Variants in MYCBP2 observed in about 807,000 individuals in gnomAD.
MYCBP2 encodes the protein E3 ubiquitin-protein ligase MYCBP2.
In MYCBP2, 120 loss-of-function variants were observed where a neutral mutation model predicts 525.3. That is an observed-to-expected ratio of 0.23 (90% CI 0.20 to 0.27). MYCBP2 has a LOEUF of 0.27. MYCBP2 is among the 10% of genes least tolerant of loss of function. The probability of loss-of-function intolerance (pLI) is 1.00; values close to 1 mark genes in which losing one functional copy is unlikely to be tolerated. For synonymous variants in MYCBP2, 1,894 were observed against 1,955.8 expected (o/e 0.97, Z 0.83); for missense variants, 4,149 against 5,657.1 (o/e 0.73, Z 8.55).
At chr13:77,254,775 C>G (rs1484842989) in intron 14 of MYCBP2, among the ~76,000 whole-genome samples, 1 of 151,924 alleles carries the variant, frequency 6.6e-6, no homozygotes, top group African/African-American at 2.4e-5. Flanking sequence ...ACTATCCTTA[C>G]AAGTCTCTGG....
At chr13:77,288,124 T>C in intron 3 of MYCBP2, 37 bp downstream of exon 3, 1 of 1,598,506 alleles carries the variant, frequency 6.3e-7, no homozygotes. Context: ...CACCTGCAGG[T>C]TACACATCTA....
chr13:77,132,987 A>G (rs2053152822), intron 52 of MYCBP2, among the ~76,000 whole-genome samples: 1 of 152,192 alleles, frequency 6.6e-6, no homozygotes, highest in Non-Finnish European at 1.5e-5. Flanking sequence ...TTCAATACAT[A>G]TGGTATTCAT....
intron 14 of MYCBP2, among the ~76,000 whole-genome samples, chr13:77,254,511 C>T (rs1169794367): frequency 6.6e-6 from 1 of 151,790 alleles, no homozygotes; most frequent in Non-Finnish European, 1.5e-5. Context: ...TGATACATAA[C>T]TGTTATACCT....
At chr13:77,207,436 C>G (rs1222597876) in intron 23 of MYCBP2, among the ~76,000 whole-genome samples, 4 of 152,126 alleles carry the variant, frequency 2.6e-5, no homozygotes. Context: ...TTCTTTACCT[C>G]TTTTAGGGGT....
At chr13:77,307,415 G>GA (rs1260476393) in intron 1 of MYCBP2, among the ~76,000 whole-genome samples, 1 of 150,284 alleles carries the variant, frequency 6.7e-6, no homozygotes, top group Admixed American at 6.6e-5. Context: ...ATTTCTTGAA[G>GA]AAAAAAATGG....
chr13:77,105,922 G>A (rs1594586857), intron 55 of MYCBP2, among the ~76,000 whole-genome samples: 1 of 152,200 alleles, frequency 6.6e-6, no homozygotes, highest in Non-Finnish European at 1.5e-5. Flanking sequence ...TAAATTCCCT[G>A]AGTCATATCA....
chr13:77,051,708 C>A, intron 81 of MYCBP2, 103 bp downstream of exon 81: 1 of 750,466 alleles, frequency 1.3e-6, no homozygotes, highest in Non-Finnish European at 2.2e-6. Flanking sequence ...TCAGAAAATA[C>A]TGAGGAGAAA....
Position 77,093,220 on chromosome 13 carries a change from C to T in MYCBP2, c.10312G>A (p.Ala3438Thr). The T allele has an allele frequency of 1.2e-6, 2 of 1,613,316 alleles. No individual in the cohort carries two copies. The highest frequency in any genetic ancestry group is 1.7e-6 in the Non-Finnish European group (2 of 1,179,514). The change falls in exon 59 of 83, where the codon GCA (alanine) becomes ACA (threonine). Residue 3438 changes from alanine to threonine, a missense_variant. Physicochemically the swap from Ala to Thr is moderately conservative, Grantham distance 58 (BLOSUM62 0). Coordinates refer to ENST00000544440, the MANE Select transcript of MYCBP2 (RefSeq NM_015057.5). ...PAPYISVTPD[A>T]SPNVFEEPES... ...GGCTCTTCAAATACATTAGGACTTG[C>T]ATCAGGAGTTACTGATATATACGGG...
chr13:77,321,161 G>A lies in MYCBP2; in HGVS notation c.302+5313C>T, dbSNP rs1313071540. Among the ~76,000 whole-genome samples, 3 of 152,164 alleles carry A rather than the reference G, an allele frequency of 2.0e-5. No individual in the cohort carries two copies. The East Asian group carries it at 5.8e-4, about 29-fold the overall frequency. On this transcript the variant is annotated intron_variant, in intron 1 of 82. Coordinates refer to ENST00000544440, the MANE Select transcript of MYCBP2 (RefSeq NM_015057.5). ...AATCTGGTTTTTGAGAAAAAAGTGA[G>A]ACTATTCTGTTGATTTTTTAAACAA... is the stretch of plus-strand genomic sequence containing the variant.
intron 21 of MYCBP2, among the ~76,000 whole-genome samples, chr13:77,216,971 C>T (rs2064910382): frequency 6.6e-6 from 1 of 152,202 alleles, no homozygotes; most frequent in Non-Finnish European, 1.5e-5. Flanking sequence ...CATACACACA[C>T]ACTGCGTGTG....
intron 71 of MYCBP2, among the ~76,000 whole-genome samples, chr13:77,066,311 T>G (rs183687404): frequency 1.3e-5 from 2 of 152,354 alleles, no homozygotes; most frequent in Admixed American, 1.3e-4. Context: ...TTGCACATTA[T>G]TTCTGTGTGC....
intron 20 of MYCBP2, among the ~76,000 whole-genome samples, chr13:77,224,240 G>A (rs542286015): frequency 2.8e-4 from 43 of 152,100 alleles, no homozygotes; most frequent in African/African-American, 1.0e-3. Flanking sequence ...CTTTTCTCCT[G>A]AAACTACAAA....
intron 15 of MYCBP2, among the ~76,000 whole-genome samples, chr13:77,247,836 A>G (rs1057475412): frequency 2.0e-5 from 3 of 152,214 alleles, no homozygotes; most frequent in Non-Finnish European, 4.4e-5. Context: ...TTCAATAAAC[A>G]TTGCTGGGAA....
chr13:77,325,988 G>A (rs924914955), intron 1 of MYCBP2, among the ~76,000 whole-genome samples: 1 of 152,134 alleles, frequency 6.6e-6, no homozygotes, highest in Non-Finnish European at 1.5e-5. Flanking sequence ...ATTGAAGGGA[G>A]GTGGAAAGGG....
chr13:77,059,804 C>T (rs1260885410), intron 76 of MYCBP2, among the ~76,000 whole-genome samples, 178 bp from the exon 77 acceptor site: 1 of 151,990 alleles, frequency 6.6e-6, no homozygotes, highest in African/African-American at 2.4e-5. Flanking sequence ...AATAATGACA[C>T]ACAAAAAAAG....
At chr13:77,070,571 C>G in intron 69 of MYCBP2, 60 bp downstream of exon 69, 2 of 1,178,948 alleles carry the variant, frequency 1.7e-6, no homozygotes, top group Non-Finnish European at 2.4e-6. Flanking sequence ...GACAAACAAA[C>G]AAACACACAC....
intron 55 of MYCBP2, among the ~76,000 whole-genome samples, chr13:77,113,236 C>A (rs1043056920): frequency 2.0e-5 from 3 of 152,268 alleles, no homozygotes; most frequent in African/African-American, 7.2e-5. Flanking sequence ...GTAGGACCTG[C>A]CTCTTTTTTG....
chr13:77,071,524 T>C (rs575948431), intron 68 of MYCBP2, among the ~76,000 whole-genome samples: 1 of 152,298 alleles, frequency 6.6e-6, no homozygotes, highest in South Asian at 2.1e-4. Context: ...AACTTTTTTT[T>C]TGGAGTCCAT....
chr13:77,174,497 A>T lies in MYCBP2; in HGVS notation c.5473-8T>A. ...AGCATATTTAACATTTTCCTTCATT[A>T]TAAAGATGTAAAACATCTTTTATTC... On this transcript the variant is annotated splice_region_variant and splice_polypyrimidine_tract_variant and intron_variant, in intron 36 of 82. Transcript: ENST00000544440. 1 of 1,610,876 alleles carries T rather than the reference A, an allele frequency of 6.2e-7. No homozygotes were observed. Among genetic ancestry groups the T allele is most frequent in the Non-Finnish European group, 8.5e-7 (1 of 1,177,326 alleles).
Sources: gnomAD v4.1 joint callset for allele counts (sites outside exome capture counted in the v4.1 genomes callset) on GRCh38, gnomAD v4.1.1 for gene constraint, MANE v1.5 for transcripts, NCBI Gene and HGNC (gene_info 2026-07-23, HGNC 2026-07-21) for gene names.